Variants in MCM10 observed in about 807,000 individuals in gnomAD.
MCM10 encodes protein MCM10 homolog.
Under a neutral mutation model 109.9 loss-of-function variants are expected in MCM10, and 91 were observed. That is an observed-to-expected ratio of 0.83 (90% CI 0.70 to 0.99). MCM10 has a LOEUF of 0.99. Among genes scored for constraint, MCM10 ranks in the 50% least tolerant of loss-of-function variants. The pLI is 0.00. For synonymous variants in MCM10, 380 were observed against 387.2 expected, an observed-to-expected ratio of 0.98 and a Z score of 0.22; for missense variants, 1,077 against 1,061.2, an observed-to-expected ratio of 1.01 and a Z score of -0.21.
intron 6 of MCM10, among the ~76,000 whole-genome samples, chr10:13,175,944 T>C (rs1358793696): frequency 1.3e-5 from 2 of 152,260 alleles, no homozygotes; most frequent in Admixed American, 6.5e-5. Context: ...CAAATGATAG[T>C]ATATTTAATC....
intron 1 of MCM10, among the ~76,000 whole-genome samples, chr10:13,163,791 A>G (rs1352569183): frequency 6.6e-6 from 1 of 152,142 alleles, no homozygotes; most frequent in Non-Finnish European, 1.5e-5. Flanking sequence ...TTAGCTTCCC[A>G]AAGTGCTGGT....
At chr10:13,186,656 A>G (rs1834278039) in intron 9 of MCM10, among the ~76,000 whole-genome samples, 1 of 152,170 alleles carries the variant, frequency 6.6e-6, no homozygotes, top group African/African-American at 2.4e-5. Flanking sequence ...TAATAGCTTC[A>G]TTTAGGTATA....
rs764394708 is a variant in MCM10, at chr10:13,186,302, A to G, written c.1215+22A>G. 24 of 1,489,542 alleles carry G rather than the reference A, an allele frequency of 1.6e-5. No individual in the cohort carries two copies. In the South Asian group the frequency reaches 2.7e-4, roughly 17 times the overall value. The allele number at this position is 1,489,542 out of a possible 1,614,324, so 92.3% of individuals were successfully genotyped here. A position where few individuals can be genotyped will look rare whatever the true frequency, so the allele number is the denominator to read the frequency against. On this transcript the variant is annotated intron_variant, in intron 9 of 19. Transcript: ENST00000378714. ...TTTGGTTGGTTTCAGCCTTGTTAGGATGGTTTCTGCTAAAGAAAAGAACAG... is the reference window on the plus strand; with the variant it reads ...TTTGGTTGGTTTCAGCCTTGTTAGGGTGGTTTCTGCTAAAGAAAAGAACAG...
intron 10 of MCM10, among the ~76,000 whole-genome samples, chr10:13,189,345 C>T (rs1834318213): frequency 6.8e-6 from 1 of 147,984 alleles, no homozygotes; most frequent in South Asian, 2.1e-4. Context: ...TTTTTTGAGA[C>T]GGAGTCTTAC....
chr10:13,209,013 A>G, intron 18 of MCM10, 78 bp from the exon 19 acceptor site: 1 of 972,038 alleles, frequency 1.0e-6, no homozygotes, highest in East Asian at 2.4e-5. Flanking sequence ...TACTCTCCCC[A>G]GGTGCAGTGA....
intron 1 of MCM10, 124 bp downstream of exon 1, chr10:13,161,730 G>A (rs1713947477): frequency 6.6e-6 from 1 of 152,390 alleles, no homozygotes; most frequent in African/African-American, 2.4e-5. Context: ...GGGAGCTCGG[G>A]TGGGCGCGAT....
intron 16 of MCM10, 131 bp downstream of exon 16, chr10:13,198,938 C>G: frequency 1.6e-6 from 1 of 634,442 alleles, no homozygotes; most frequent in Non-Finnish European, 2.7e-6. Flanking sequence ...GTCTGTGGCC[C>G]AGGCTGAAGT....
At chr10:13,193,730 A>G (rs954285132) in intron 13 of MCM10, among the ~76,000 whole-genome samples, 4 of 152,220 alleles carry the variant, frequency 2.6e-5, no homozygotes, top group Non-Finnish European at 4.4e-5. Flanking sequence ...TACAGATGAC[A>G]TAAATTATAT....
chr10:13,189,473 C>T (rs1381236162), intron 10 of MCM10, among the ~76,000 whole-genome samples: 3 of 152,138 alleles, frequency 2.0e-5, no homozygotes, highest in Non-Finnish European at 2.9e-5. Flanking sequence ...CAGGCGCGTG[C>T]CACCACGCCC....
chr10:13,190,643 T>C (rs916254631), intron 10 of MCM10, among the ~76,000 whole-genome samples: 2 of 151,914 alleles, frequency 1.3e-5, no homozygotes, highest in African/African-American at 4.8e-5. Context: ...TCAGGATTGC[T>C]CCACTGTACT....
In MCM10 at chr10:13,164,221, C is replaced by T. The variant is rs752939959; in HGVS notation, c.7+12C>T. The T allele has an allele frequency of 1.9e-6, 3 of 1,595,660 alleles. No individual in the cohort carries two copies. Among genetic ancestry groups the T allele is most frequent in the Non-Finnish European group, 2.6e-6 (3 of 1,174,888 alleles). ...TGACAGCATGGATGGTAAGACCTGGCAGTTTTCTGTTACTCTGTTTCAAGG... is the reference window on the plus strand; with the variant it reads ...TGACAGCATGGATGGTAAGACCTGGTAGTTTTCTGTTACTCTGTTTCAAGG... On this transcript the variant is annotated intron_variant, in intron 2 of 19. Coordinates refer to ENST00000378714, the MANE Select transcript of MCM10 (RefSeq NM_018518.5).
At position 13,188,918 on chromosome 10, in the gene MCM10, A is replaced by C. The variant is rs1176684036; in HGVS notation, c.1253A>C (p.Gln418Pro). Residue 418 changes from glutamine to proline, a missense_variant, in exon 10 of 20, where the codon CAG becomes CCG. By Grantham distance (76) the Gln-to-Pro change is moderately conservative (BLOSUM62 -1). Coordinates refer to ENST00000378714, the MANE Select transcript of MCM10 (RefSeq NM_018518.5). ...CEYCQYHVQA[Q>P]YKKLSAKRAD... ...TACTGTCAGTACCATGTCCAGGCTC[A>C]GTACAAGAAGCTCAGCGCAAAGCGT... 6.2e-7 allele frequency: 1 copy of C among 1,614,106 alleles called. No individual in the cohort carries two copies. Among genetic ancestry groups the C allele is most frequent in the East Asian group, 2.2e-5 (1 of 44,900 alleles).
chr10:13,182,261 C>G lies in MCM10; in HGVS notation c.931-672C>G, dbSNP rs1462673554. ...GGATGGGGTGGGAGGATCACTTGAG[C>G]CCAGGAATTCATGACCAGTCTGGGC... On this transcript the variant is annotated intron_variant, in intron 7 of 19. Coordinates refer to ENST00000378714, the MANE Select transcript of MCM10 (RefSeq NM_018518.5). This position sits in a 1 kb window ranked among gnomAD's most constrained non-coding sequence, Gnocchi z 4.2. Among the ~76,000 whole-genome samples the G allele has an allele frequency of 6.6e-6, 1 of 151,902 alleles. No individual in the cohort carries two copies. Among genetic ancestry groups the G allele is most frequent in the Non-Finnish European group, 1.5e-5 (1 of 67,968 alleles).
At chr10:13,163,168 GTC>G (rs548653283) in intron 1 of MCM10, among the ~76,000 whole-genome samples, 22 of 151,586 alleles carry the variant, frequency 1.5e-4, no homozygotes, top group African/African-American at 5.1e-4. Context: ...GCGAAACCCT[GTC>G]TCTACAAAAA....
At chr10:13,186,526 A>AT (rs1452800156) in intron 9 of MCM10, among the ~76,000 whole-genome samples, 1 of 152,204 alleles carries the variant, frequency 6.6e-6, no homozygotes, top group Non-Finnish European at 1.5e-5. Flanking sequence ...TTAAGACAGA[A>AT]TTTTTGTTTG....
In MCM10 at chr10:13,192,281, T is replaced by A; in HGVS notation, c.1543T>A (p.Ser515Thr). 1 of 1,614,122 alleles carries A rather than the reference T, an allele frequency of 6.2e-7. No individual in the cohort carries two copies. Among genetic ancestry groups the A allele is most frequent in the Non-Finnish European group, 8.5e-7 (1 of 1,179,968 alleles). Residue 515 changes from serine (S) to threonine (T), a missense_variant, in exon 12 of 20, where the codon TCT (serine) becomes ACT (threonine). Transcript: ENST00000378714. Reference sequence around the variant, plus strand: ...AATACCCCAGAAGAGCCTGTCTTGCTCTGAGGAGTTCAAGGAACTGATGGA... The same window carrying A: ...AATACCCCAGAAGAGCCTGTCTTGCACTGAGGAGTTCAAGGAACTGATGGA... ...LGIPQKSLSC[S>T]EEFKELMDLP...
Position 13,173,211 on chromosome 10 carries a change from A to G in MCM10, c.592+446A>G, listed in dbSNP as rs143330890. On this transcript the variant is annotated intron_variant, in intron 5 of 19. Coordinates refer to ENST00000378714, the MANE Select transcript of MCM10 (RefSeq NM_018518.5). ...TAAGACCCTGTCTGAGAAAAGGAAAATCCTTAGGTACAGAGTAGCTATTTA... is the reference window on the plus strand; with the variant it reads ...TAAGACCCTGTCTGAGAAAAGGAAAGTCCTTAGGTACAGAGTAGCTATTTA... 6.7e-3 allele frequency among the ~76,000 whole-genome samples: 1,015 copies of G among 152,242 alleles called. 16 individuals carry two copies. The highest frequency in any genetic ancestry group is 0.022 in the African/African-American group (933 of 41,522).
intron 17 of MCM10, among the ~76,000 whole-genome samples, chr10:13,203,175 G>A (rs536176378): frequency 6.6e-6 from 1 of 152,258 alleles, no homozygotes; most frequent in Admixed American, 6.5e-5. Flanking sequence ...CTCTTATGTA[G>A]GTCAGAAGTC....
At position 13,210,246 on chromosome 10, in the gene MCM10, G is replaced by A. The variant is rs893360649; in HGVS notation, c.*936G>A. 6.6e-6 allele frequency: 1 copy of A among 150,948 alleles called. No individual in the cohort carries two copies. Among genetic ancestry groups the A allele is most frequent in the African/African-American group, 2.4e-5 (1 of 41,024 alleles). 9.4% of individuals were successfully genotyped at this position (150,948 alleles called of 1,614,324 possible). On this transcript the variant is annotated 3_prime_UTR_variant, in exon 20 of 20. Coordinates refer to ENST00000378714, the MANE Select transcript of MCM10 (RefSeq NM_018518.5). ...ATTTTTGCATTTTTTGTAGAGATGG[G>A]GTTTTGCCATGTTGCTCAGGCTGGT...
Sources: allele counts gnomAD v4.1 joint callset (sites outside exome capture counted in the v4.1 genomes callset), GRCh38; gene constraint gnomAD v4.1.1; non-coding constraint Gnocchi (gnomAD v3.1); transcripts MANE v1.5; gene names NCBI Gene and HGNC (gene_info 2026-07-23, HGNC 2026-07-21).